SRCAP: variants seen among roughly 807,000 people sequenced by gnomAD.
SRCAP encodes the protein Snf2 related CREBBP activator protein.
SRCAP carries 46 observed loss-of-function variants against 263.1 expected under a neutral mutation model. The observed-to-expected ratio is 0.17, with a 90% confidence interval of 0.14 to 0.22. The LOEUF is 0.22. SRCAP is among the 10% of genes least tolerant of loss of function. The pLI, the probability that SRCAP is intolerant of heterozygous loss-of-function variation, is 1.00. For missense variants in SRCAP, 3,695 were observed against 4,181.9 expected (o/e 0.88, Z 3.21); for synonymous variants, 1,813 against 1,662.1 (o/e 1.09, Z -2.21).
At chr16:30,720,103 G>A in intron 18 of SRCAP, 59 bp from the exon 19 acceptor site, 1 of 1,556,204 alleles carries the variant, frequency 6.4e-7, no homozygotes, top group Non-Finnish European at 8.8e-7. Context: ...AGCTACATCT[G>A]CGTTGCAAAG....
chr16:30,739,094 G>A lies in SRCAP; in HGVS notation c.9054G>A (p.Arg3018=). 6.2e-7 allele frequency: 1 copy of A among 1,614,140 alleles called. No homozygotes were observed. The highest frequency in any genetic ancestry group is 8.5e-7 in the Non-Finnish European group (1 of 1,180,024). ...GRPPKNPPSP[R]PSQLPVLDRD... Reference sequence around the variant, plus strand: ...CTCCCAAGAATCCTCCATCACCTCGGCCCAGCCAGCTCCCCGTCTTGGACC... The same window carrying A: ...CTCCCAAGAATCCTCCATCACCTCGACCCAGCCAGCTCCCCGTCTTGGACC... The change falls in exon 34 of 34, where the codon CGG becomes CGA. Residue 3018 remains arginine, a synonymous_variant. Coordinates refer to ENST00000262518, the MANE Select transcript of SRCAP (RefSeq NM_006662.3).
At position 30,738,943 on chromosome 16, in the gene SRCAP, C is replaced by T; in HGVS notation, c.8903C>T (p.Pro2968Leu). 1.9e-6 allele frequency: 3 copies of T among 1,613,824 alleles called. No homozygotes were observed. The highest frequency in any genetic ancestry group is 2.5e-6 in the Non-Finnish European group (3 of 1,179,890). Residue 2968 changes from proline to leucine, a missense_variant, in exon 34 of 34, where the codon CCA becomes CTA. By Grantham distance (98) the Pro-to-Leu change is moderately conservative. Around this residue, in one of 12 missense-constraint regions of SRCAP, gnomAD observed 1,207 missense variants for 1,142.9 expected, o/e 1.06. Coordinates refer to ENST00000262518, the MANE Select transcript of SRCAP (RefSeq NM_006662.3). The part of the protein sequence containing the change: ...GDGNSESRTQ[P>L]PPHPSPLTPL... ...GGCAACTCCGAAAGTCGGACACAGC[C>T]ACCCCCACACCCATCACCCCTAACC...
chr16:30,719,446 A>AC lies in SRCAP; in HGVS notation c.2818-714dup, dbSNP rs1217753780. Among the ~76,000 whole-genome samples, 4 of 150,692 alleles carry AC rather than the reference A, an allele frequency of 2.7e-5. No individual in the cohort carries two copies. In the East Asian group the frequency reaches 7.9e-4, roughly 30 times the overall value. On this transcript the variant is annotated intron_variant, in intron 18 of 33. Coordinates refer to ENST00000262518, the MANE Select transcript of SRCAP (RefSeq NM_006662.3). ...TGGCCAGGCTGGTCTTGAACTCCTG[A>AC]CCTCGTGATCCACCCGCCTCGGCCT...
In SRCAP at chr16:30,710,344, A is replaced by C. The variant is rs369933437; in HGVS notation, c.1134+216A>C. Among the ~76,000 whole-genome samples the C allele has an allele frequency of 7.2e-5, 11 of 152,248 alleles. No homozygotes were observed. In the East Asian group the frequency reaches 2.1e-3, roughly 29 times the overall value. On this transcript the variant is annotated intron_variant, in intron 8 of 33. Coordinates refer to ENST00000262518, the MANE Select transcript of SRCAP (RefSeq NM_006662.3). ...GCGCTATAGTGGAAGAGCGTATTGCACTTTCCTCTTTAAATTGCTGTGTGG... is the reference window on the plus strand; with the variant it reads ...GCGCTATAGTGGAAGAGCGTATTGCCCTTTCCTCTTTAAATTGCTGTGTGG...
Position 30,721,255 on chromosome 16 carries a change from A to G in SRCAP, c.3320A>G (p.Lys1107Arg), listed in dbSNP as rs750955177. 1 of 1,613,978 alleles carries G rather than the reference A, an allele frequency of 6.2e-7. No individual in the cohort carries two copies. Among genetic ancestry groups the G allele is most frequent in the South Asian group, 1.1e-5 (1 of 91,072 alleles). The change falls in exon 21 of 34, where the codon AAG (lysine) becomes AGG (arginine). Residue 1107 changes from lysine (K) to arginine (R), a missense_variant. Physicochemically the swap from Lys to Arg is conservative, Grantham distance 26. Transcript: ENST00000262518. ...SRPPTPTLSL[K>R]PTPPAPVRLS... ...CCTCCCACGCCAACCTTGTCCCTAAAGCCAACACCACCTGCCCCAGTTCGC... is the reference window on the plus strand; with the variant it reads ...CCTCCCACGCCAACCTTGTCCCTAAGGCCAACACCACCTGCCCCAGTTCGC...
chr16:30,723,545 A>G, intron 24 of SRCAP, 39 bp from the exon 25 acceptor site: 3 of 1,578,940 alleles, frequency 1.9e-6, no homozygotes, highest in Non-Finnish European at 2.6e-6. Flanking sequence ...AAGGCTCAGG[A>G]AAAGAATTCT....
intron 5 of SRCAP, 88 bp from the exon 6 acceptor site, chr16:30,707,484 C>T: frequency 6.2e-7 from 1 of 1,605,632 alleles, no homozygotes; most frequent in Non-Finnish European, 8.5e-7. Context: ...CTTGATTTTC[C>T]AGATTTCTTG....
chr16:30,723,772 C>T lies in SRCAP; in HGVS notation c.4348C>T (p.Pro1450Ser), dbSNP rs1197655748. 6.2e-7 allele frequency: 1 copy of T among 1,614,104 alleles called. No individual in the cohort carries two copies. Among genetic ancestry groups the T allele is most frequent in the Non-Finnish European group, 8.5e-7 (1 of 1,180,006 alleles). Residue 1450 changes from proline to serine, a missense_variant, in exon 25 of 34, where the codon CCA becomes TCA. By Grantham distance (74) the Pro-to-Ser change is moderately conservative. Transcript: ENST00000262518. ...PISVPTTLPA[P>S]ASAPLTIPIS... Reference sequence around the variant, plus strand: ...CTCTGTCCCCACCACACTTCCTGCCCCAGCCTCGGCTCCACTCACCATCCC... The same window carrying T: ...CTCTGTCCCCACCACACTTCCTGCCTCAGCCTCGGCTCCACTCACCATCCC...
chr16:30,711,878 AGAG>A lies in SRCAP; in HGVS notation c.1542_1544del (p.Glu516del). On this transcript the variant is annotated inframe_deletion, in exon 12 of 34. Coordinates refer to ENST00000262518, the MANE Select transcript of SRCAP (RefSeq NM_006662.3). ...GTGAGGATGAGGAAGATGAACATTC[AGAG>A]GAGGAAGAAACAAGTGGAAGTTCAG... 6.2e-7 allele frequency: 1 copy of A among 1,613,838 alleles called. No homozygotes were observed. The highest frequency in any genetic ancestry group is 1.1e-5 in the South Asian group (1 of 91,068).
rs374930012 is a variant in SRCAP at position 30,711,707 on chromosome 16, G to C, written c.1455G>C (p.Ala485=). 5.6e-6 allele frequency: 9 copies of C among 1,613,796 alleles called. No homozygotes were observed. The South Asian group carries it at 7.7e-5, about 14-fold the overall frequency. ...SDCEPEGPVE[A]EEPPQEDSSS... Reference sequence around the variant, plus strand: ...GTGAACCAGAGGGGCCCGTGGAAGCGGAAGAGCCTCCTCAGGAGGATAGTA... The same window carrying C: ...GTGAACCAGAGGGGCCCGTGGAAGCCGAAGAGCCTCCTCAGGAGGATAGTA... Residue 485 remains alanine, a synonymous_variant, in exon 11 of 34, where the codon GCG becomes GCC. Transcript: ENST00000262518.
Position 30,740,075 on chromosome 16 carries a change from CTTT to C in SRCAP, c.*356_*358del, listed in dbSNP as rs397854666. The C allele has an allele frequency of 1.1e-4, 16 of 147,648 alleles. No individual in the cohort carries two copies. Among genetic ancestry groups the C allele is most frequent in the South Asian group, 4.5e-4 (2 of 4,482 alleles). The allele number at this position is 147,648 out of a possible 1,614,324, so 9.1% of individuals were successfully genotyped here. On this transcript the variant is annotated 3_prime_UTR_variant, in exon 34 of 34. Coordinates refer to ENST00000262518, the MANE Select transcript of SRCAP (RefSeq NM_006662.3). ...GGCTTCTCTACAATGAGGTTTTTTT[CTTT>C]TTTTTTTTTTTTTAAGAAGAAAAAA...
At position 30,733,534 on chromosome 16, in the gene SRCAP, A is replaced by G; in HGVS notation, c.6298-68A>G. On this transcript the variant is annotated intron_variant, in intron 28 of 33. Transcript: ENST00000262518. This position sits in a 1 kb window ranked among gnomAD's most constrained non-coding sequence, Gnocchi z 5.3. ...GATTTGGGCTTCCAGACGGGGTGCCACTAAGCCTTTAGACCTGTTTTGGGG... is the reference window on the plus strand; with the variant it reads ...GATTTGGGCTTCCAGACGGGGTGCCGCTAAGCCTTTAGACCTGTTTTGGGG... The G allele has an allele frequency of 5.6e-6, 9 of 1,604,900 alleles. No individual in the cohort carries two copies. The highest frequency in any genetic ancestry group is 6.8e-6 in the Non-Finnish European group (8 of 1,174,236).
Position 30,739,528 on chromosome 16 carries a change from T to C in SRCAP, c.9488T>C (p.Leu3163Pro). 1 of 1,611,850 alleles carries C rather than the reference T, an allele frequency of 6.2e-7. No individual in the cohort carries two copies. Among genetic ancestry groups the C allele is most frequent in the Non-Finnish European group, 8.5e-7 (1 of 1,179,092 alleles). ...GGCCGCCTACAGCCCCCAAGTCCCC[T>C]GGGGCCTGAGGGTTCAGTAGAGGAG... ...KRGRLQPPSP[L>P]GPEGSVEESE... Residue 3163 changes from leucine to proline, a missense_variant, in exon 34 of 34, where the codon CTG (leucine) becomes CCG (proline). Physicochemically the swap from Leu to Pro is moderately conservative, Grantham distance 98. Transcript: ENST00000262518.
Position 30,724,544 on chromosome 16 carries a change from C to A in SRCAP, c.5120C>A (p.Pro1707His), listed in dbSNP as rs1320645540. The A allele has an allele frequency of 1.2e-6, 2 of 1,614,088 alleles. No individual in the cohort carries two copies. The highest frequency in any genetic ancestry group is 1.7e-6 in the Non-Finnish European group (2 of 1,180,046). ...ACACTCTCTTTGGGAACGGGGAACCCCCAGGGACCCTTTCCAACTCAGACA... is the reference window on the plus strand; with the variant it reads ...ACACTCTCTTTGGGAACGGGGAACCACCAGGGACCCTTTCCAACTCAGACA... ...SQTLSLGTGN[P>H]QGPFPTQTLS... The change falls in exon 25 of 34, where the codon CCC becomes CAC. Residue 1707 changes from proline (P) to histidine (H), a missense_variant. Coordinates refer to ENST00000262518, the MANE Select transcript of SRCAP (RefSeq NM_006662.3).
chr16:30,718,759 C>G (rs940761775), intron 18 of SRCAP, among the ~76,000 whole-genome samples: 1 of 152,142 alleles, frequency 6.6e-6, no homozygotes, highest in African/African-American at 2.4e-5. Flanking sequence ...GTGTGAGCCA[C>G]TGCACCTGGC....
At position 30,713,383 on chromosome 16, in the gene SRCAP, G is replaced by T. The variant is rs1228688415; in HGVS notation, c.2300+6G>T. 3.7e-6 allele frequency: 6 copies of T among 1,614,028 alleles called. No individual in the cohort carries two copies. The Admixed American group carries it at 1.0e-4, about 27-fold the overall frequency. On this transcript the variant is annotated splice_donor_region_variant and intron_variant, in intron 15 of 33. Transcript: ENST00000262518. ...TCACTCCTCAACTTCAACAGGTGGAGATGGAGATGGGGATTCATGGGAGGG... is the reference window on the plus strand; with the variant it reads ...TCACTCCTCAACTTCAACAGGTGGATATGGAGATGGGGATTCATGGGAGGG...
Position 30,709,499 on chromosome 16 carries a change from C to T in SRCAP, c.634-14C>T, listed in dbSNP as rs1220350245. On this transcript the variant is annotated splice_polypyrimidine_tract_variant and intron_variant, in intron 6 of 33. Coordinates refer to ENST00000262518, the MANE Select transcript of SRCAP (RefSeq NM_006662.3). ...GGTTATCTTGGTGAGCAGTCCCTTT[C>T]ACATCTGTGGCAGGTGGTGCAATTC... 9 of 1,613,940 alleles carry T rather than the reference C, an allele frequency of 5.6e-6. No individual in the cohort carries two copies. Among genetic ancestry groups the T allele is most frequent in the Non-Finnish European group, 7.6e-6 (9 of 1,179,818 alleles).
intron 3 of SRCAP, among the ~76,000 whole-genome samples, chr16:30,701,723 G>C (rs1252109329): frequency 6.7e-6 from 1 of 149,388 alleles, no homozygotes; most frequent in African/African-American, 2.5e-5. Context: ...TCCGCCTCCT[G>C]ATTTCAAACA....
rs773604320 is a variant in SRCAP at position 30,738,739 on chromosome 16, C to T, written c.8699C>T (p.Thr2900Ile). The stretch of plus-strand genomic sequence containing the variant: ...GCTGACCCAGTCCCTGGGCCTGAGA[C>T]CCTAATTGTTGCAGATCCTGTCCTG... ...NGADPVPGPE[T>I]LIVADPVLEP... is the part of the protein sequence containing the mutation. The change falls in exon 34 of 34, where the codon ACC becomes ATC. Residue 2900 changes from threonine (T) to isoleucine (I), a missense_variant. Thr to Ile is a moderately conservative substitution (Grantham distance 89). Transcript: ENST00000262518. 1.2e-6 allele frequency: 2 copies of T among 1,614,082 alleles called. No homozygotes were observed. The highest frequency in any genetic ancestry group is 1.7e-6 in the Non-Finnish European group (2 of 1,179,996).
Sources: allele counts gnomAD v4.1 joint callset (sites outside exome capture counted in the v4.1 genomes callset), GRCh38; gene constraint gnomAD v4.1.1; regional missense constraint gnomAD v4.1.1; non-coding constraint Gnocchi (gnomAD v3.1); transcripts MANE v1.5; gene names NCBI Gene and HGNC (gene_info 2026-07-23, HGNC 2026-07-21).